RIMBP2: variants seen among roughly 807,000 people sequenced by gnomAD.
The protein encoded by RIMBP2 is RIMS-binding protein 2.
In RIMBP2, 48 loss-of-function variants were observed where a neutral mutation model predicts 118.6. The ratio of observed to expected loss-of-function variants is 0.40; its 90% confidence interval spans 0.32 to 0.51. The LOEUF (loss-of-function observed/expected upper bound fraction) is 0.51, where lower values mean the gene tolerates loss of function less well. Ranked by LOEUF, RIMBP2 falls within the 20% of genes least tolerant of loss-of-function variation. RIMBP2 has a pLI of 0.41. For synonymous variants in RIMBP2, 762 were observed against 742.9 expected (o/e 1.03, Z -0.42); for missense variants, 1,551 against 1,768.3 (o/e 0.88, Z 2.20).
At chr12:130,549,273 C>G (rs532414574) in intron 2 of RIMBP2, among the ~76,000 whole-genome samples, 1 of 152,168 alleles carries the variant, frequency 6.6e-6, no homozygotes, top group South Asian at 2.1e-4. Flanking sequence ...TGATGCCCAT[C>G]CCGGGGGAAT....
intron 3 of RIMBP2, among the ~76,000 whole-genome samples, chr12:130,509,427 C>T (rs559325582): frequency 2.0e-5 from 3 of 152,184 alleles, no homozygotes; most frequent in East Asian, 1.9e-4. Context: ...TCTTGGGAGA[C>T]GACCTGGAGA....
intron 1 of RIMBP2, among the ~76,000 whole-genome samples, chr12:130,706,342 T>C (rs1311790534): frequency 2.6e-5 from 4 of 152,216 alleles, no homozygotes; most frequent in African/African-American, 9.6e-5. Context: ...TATTGTTACC[T>C]GCATTTTATG....
chr12:130,519,824 C>T (rs2051887025), intron 2 of RIMBP2, among the ~76,000 whole-genome samples: 1 of 152,176 alleles, frequency 6.6e-6, no homozygotes, highest in East Asian at 1.9e-4. Context: ...GGACAAGCTG[C>T]CTGGCCTCTC....
chr12:130,513,711 G>A (rs2138977531), intron 3 of RIMBP2, among the ~76,000 whole-genome samples: 1 of 152,278 alleles, frequency 6.6e-6, no homozygotes, highest in Middle Eastern at 3.4e-3. Context: ...ACTCCAGACA[G>A]CCCAACATCA....
chr12:130,566,695 C>T (rs1273215700), intron 2 of RIMBP2, among the ~76,000 whole-genome samples: 1 of 152,204 alleles, frequency 6.6e-6, no homozygotes, highest in Non-Finnish European at 1.5e-5. Context: ...CTGCACATCT[C>T]GTGAGAAGCT....
chr12:130,619,041 TA>T (rs1365980908), intron 2 of RIMBP2, among the ~76,000 whole-genome samples: 1 of 152,200 alleles, frequency 6.6e-6, no homozygotes, highest in Non-Finnish European at 1.5e-5. Context: ...ACACACCCCT[TA>T]CTTTATAGCA....
intron 2 of RIMBP2, among the ~76,000 whole-genome samples, chr12:130,529,152 G>C (rs2053114417): frequency 1.3e-5 from 2 of 152,184 alleles, no homozygotes; most frequent in South Asian, 4.2e-4. Context: ...CACCACAACA[G>C]GGATGAACCT....
At chr12:130,438,878 G>C (rs75689858) in intron 11 of RIMBP2, among the ~76,000 whole-genome samples, 1 of 152,118 alleles carries the variant, frequency 6.6e-6, no homozygotes, top group Non-Finnish European at 1.5e-5. Flanking sequence ...GCAGCCACAC[G>C]ATTAGCTCAG....
At chr12:130,488,918 T>C (rs1224561008) in intron 4 of RIMBP2, among the ~76,000 whole-genome samples, 1 of 152,150 alleles carries the variant, frequency 6.6e-6, no homozygotes, top group African/African-American at 2.4e-5. Context: ...GCAGACAAAT[T>C]AGCTGAGAAG....
intron 1 of RIMBP2, among the ~76,000 whole-genome samples, chr12:130,712,755 G>A (rs1013619065): frequency 4.6e-5 from 7 of 152,102 alleles, no homozygotes; most frequent in Non-Finnish European, 7.3e-5. Context: ...TGTGCTGGAC[G>A]TTCACACTCC....
At chr12:130,542,285 G>A (rs914420797) in intron 2 of RIMBP2, among the ~76,000 whole-genome samples, 5 of 149,846 alleles carry the variant, frequency 3.3e-5, no homozygotes, top group Admixed American at 1.4e-4. Context: ...GAAGCAGCAG[G>A]AAGTGACTGC....
chr12:130,465,959 G>A (rs1039987408), intron 6 of RIMBP2: 3 of 152,246 alleles, frequency 2.0e-5, no homozygotes, highest in Admixed American at 6.5e-5. Context: ...GGAAGGCCTG[G>A]ACTCCGGAGC....
rs185155089 is a variant in RIMBP2, at chr12:130,647,786, T to C, written c.-351-19330A>G. On this transcript the variant is annotated intron_variant, in intron 1 of 22. Coordinates refer to ENST00000690449, the MANE Select transcript of RIMBP2 (RefSeq NM_001393629.1). Reference sequence around the variant, plus strand: ...CAAACCAATGCATAACCTCCATGTATTGGTGTGTGACTTTGCTGGTAACCT... The same window carrying C: ...CAAACCAATGCATAACCTCCATGTACTGGTGTGTGACTTTGCTGGTAACCT... Among the ~76,000 whole-genome samples the C allele has an allele frequency of 6.8e-5, 10 of 146,252 alleles. No individual in the cohort carries two copies. The East Asian group carries it at 1.7e-3, about 26-fold the overall frequency.
chr12:130,428,153 A>G, intron 15 of RIMBP2, 26 bp downstream of exon 15: 1 of 1,562,514 alleles, frequency 6.4e-7, no homozygotes, highest in Non-Finnish European at 8.7e-7. Context: ...GACGGAGTGC[A>G]GGGTCCCCCT....
chr12:130,450,296 T>C lies in RIMBP2; in HGVS notation c.505-20A>G, dbSNP rs1367747246. The C allele has an allele frequency of 5.7e-6, 9 of 1,584,480 alleles. No homozygotes were observed. The highest frequency in any genetic ancestry group is 7.8e-6 in the Non-Finnish European group (9 of 1,158,414). ...CTCCATCTGTGAAAAAGGCAATGGGTGTGTGGGTTATTGAAGCTGGAGGTG... is the reference window on the plus strand; with the variant it reads ...CTCCATCTGTGAAAAAGGCAATGGGCGTGTGGGTTATTGAAGCTGGAGGTG... On this transcript the variant is annotated intron_variant, in intron 8 of 22. Transcript: ENST00000690449. The surrounding 1 kb of genome is among the most constrained non-coding windows in gnomAD (Gnocchi z 4.8).
At chr12:130,546,981 C>T (rs1593747040) in intron 2 of RIMBP2, among the ~76,000 whole-genome samples, 1 of 152,206 alleles carries the variant, frequency 6.6e-6, no homozygotes, top group South Asian at 2.1e-4. Context: ...TCCCTATCAT[C>T]TCCCCAGTGC....
chr12:130,538,673 T>C (rs552223267), intron 2 of RIMBP2, among the ~76,000 whole-genome samples: 1 of 152,338 alleles, frequency 6.6e-6, no homozygotes, highest in South Asian at 2.1e-4. Context: ...ATGGGTTTTA[T>C]AGCATTTGCA....
rs1445982374 is a variant in RIMBP2 at position 130,446,360 on chromosome 12, A to G, written c.582-1091T>C. Among the ~76,000 whole-genome samples the G allele has an allele frequency of 6.6e-6, 1 of 152,218 alleles. No individual in the cohort carries two copies. The highest frequency in any genetic ancestry group is 1.5e-5 in the Non-Finnish European group (1 of 68,038). On this transcript the variant is annotated intron_variant, in intron 9 of 22. Coordinates refer to ENST00000690449, the MANE Select transcript of RIMBP2 (RefSeq NM_001393629.1). The surrounding 1 kb of genome is among the most constrained non-coding windows in gnomAD (Gnocchi z 4.1). ...TGGCCATTAAATGTTAGGAAAACAGAGAAGATAAGGTCCCCAGTCTCAATG... is the reference window on the plus strand; with the variant it reads ...TGGCCATTAAATGTTAGGAAAACAGGGAAGATAAGGTCCCCAGTCTCAATG...
chr12:130,604,140 TA>T (rs2060024119), intron 2 of RIMBP2, among the ~76,000 whole-genome samples: 1 of 152,158 alleles, frequency 6.6e-6, no homozygotes, highest in Non-Finnish European at 1.5e-5. Flanking sequence ...TCTTCATTTT[TA>T]AAACATTTTA....
Sources: allele counts gnomAD v4.1 joint callset (sites outside exome capture counted in the v4.1 genomes callset), GRCh38; gene constraint gnomAD v4.1.1; non-coding constraint Gnocchi (gnomAD v3.1); transcripts MANE v1.5; gene names NCBI Gene and HGNC (gene_info 2026-07-23, HGNC 2026-07-21).